Variants in NEDD4 observed in about 807,000 individuals in gnomAD.
NEDD4 encodes E3 ubiquitin-protein ligase NEDD4.
In NEDD4, 99 loss-of-function variants were observed where a neutral mutation model predicts 144.9. The observed-to-expected ratio is 0.68, with a 90% CI of 0.58 to 0.81. The LOEUF (loss-of-function observed/expected upper bound fraction) is 0.81, where lower values mean the gene tolerates loss of function less well. Among genes scored for constraint, NEDD4 ranks in the 30% least tolerant of loss-of-function variants. The probability of loss-of-function intolerance (pLI) is 0.00; values close to 1 mark genes in which losing one functional copy is unlikely to be tolerated. For synonymous variants in NEDD4, 318 were observed against 350.6 expected (o/e 0.91, Z 1.04); for missense variants, 985 against 1,065.9 (o/e 0.92, Z 1.06).
At chr15:55,955,943 G>A (rs999499812) in intron 2 of NEDD4, among the ~76,000 whole-genome samples, 7 of 151,060 alleles carry the variant, frequency 4.6e-5, no homozygotes, top group Non-Finnish European at 1.0e-4. Flanking sequence ...AGCCTCCTGA[G>A]TAGCTGGGAC....
chr15:55,938,519 G>A (rs531245385), intron 4 of NEDD4, among the ~76,000 whole-genome samples: 3 of 152,208 alleles, frequency 2.0e-5, no homozygotes, highest in African/African-American at 7.2e-5. Flanking sequence ...GAAGAAAACA[G>A]AGAAGAAGCT....
rs952063356 is a variant in NEDD4 at position 55,849,444 on chromosome 15, C to T, written c.1348-558G>A. Among the ~76,000 whole-genome samples, 5 of 152,000 alleles carry T rather than the reference C, an allele frequency of 3.3e-5. No individual in the cohort carries two copies. The South Asian group carries it at 6.2e-4, about 19-fold the overall frequency. Reference sequence around the variant, plus strand: ...TTCTCCATGTTGGCCAGGCTAGTCTCGAACTCCTGACCTCAGGTGATCCAC... The same window carrying T: ...TTCTCCATGTTGGCCAGGCTAGTCTTGAACTCCTGACCTCAGGTGATCCAC... On this transcript the variant is annotated intron_variant, in intron 14 of 28. Coordinates refer to ENST00000435532, the MANE Select transcript of NEDD4 (RefSeq NM_006154.4).
At chr15:55,881,858 T>C (rs2035206147) in intron 5 of NEDD4, among the ~76,000 whole-genome samples, 1 of 152,128 alleles carries the variant, frequency 6.6e-6, no homozygotes, top group Admixed American at 6.6e-5. Flanking sequence ...TTTTTTTTTG[T>C]TGTGGGGGCT....
intron 4 of NEDD4, among the ~76,000 whole-genome samples, chr15:55,938,374 A>C (rs1287136546): frequency 1.3e-5 from 2 of 152,122 alleles, no homozygotes; most frequent in Non-Finnish European, 2.9e-5. Flanking sequence ...CAAAACAAAA[A>C]AACAACAAAT....
At chr15:55,845,888 C>A (rs1423894019) in intron 18 of NEDD4, among the ~76,000 whole-genome samples, 1 of 150,424 alleles carries the variant, frequency 6.6e-6, no homozygotes, top group Non-Finnish European at 1.5e-5. Flanking sequence ...TGGGTTCAAG[C>A]GGTTCTCCTG....
chr15:55,966,440 T>G, intron 2 of NEDD4, 33 bp downstream of exon 2: 1 of 1,355,596 alleles, frequency 7.4e-7, no homozygotes, highest in Non-Finnish European at 1.0e-6. Context: ...AAATGCAAAG[T>G]TTTAAAATTA....
intron 1 of NEDD4, among the ~76,000 whole-genome samples, chr15:55,972,430 T>C (rs1339560500): frequency 1.3e-5 from 2 of 152,222 alleles, no homozygotes; most frequent in Non-Finnish European, 2.9e-5. Flanking sequence ...CTGTTTGTTT[T>C]TGCAATCAGA....
At chr15:55,848,135 T>C (rs535367765) in intron 17 of NEDD4, among the ~76,000 whole-genome samples, 1 of 152,356 alleles carries the variant, frequency 6.6e-6, no homozygotes, top group South Asian at 2.1e-4. Context: ...CACACTGCCT[T>C]AGCATTCTGA....
chr15:55,897,354 G>C (rs1390280674), intron 5 of NEDD4, among the ~76,000 whole-genome samples: 1 of 152,142 alleles, frequency 6.6e-6, no homozygotes, highest in African/African-American at 2.4e-5. Flanking sequence ...TAGCTATTTA[G>C]ACCTGAGGAA....
chr15:55,904,123 C>T (rs1467882411), intron 5 of NEDD4, among the ~76,000 whole-genome samples: 1 of 152,052 alleles, frequency 6.6e-6, no homozygotes, highest in Non-Finnish European at 1.5e-5. Flanking sequence ...GATTGCACAA[C>T]TGCACTCCAG....
At position 55,906,416 on chromosome 15, in the gene NEDD4, G is replaced by A. The variant is rs550351561; in HGVS notation, c.291+18230C>T. Among the ~76,000 whole-genome samples, 833 of 152,212 alleles carry A rather than the reference G, an allele frequency of 5.5e-3. 5 individuals are homozygous for A. Among genetic ancestry groups the A allele is most frequent in the Non-Finnish European group, 9.7e-3 (662 of 68,016 alleles). ...ATCAATGATAGACTGGATTAAGAAA[G>A]TGTGGCACATATACACCATGGAATA... On this transcript the variant is annotated intron_variant, in intron 5 of 28. Transcript: ENST00000435532.
Position 55,878,299 on chromosome 15 carries a change from A to G in NEDD4, c.292-4291T>C, listed in dbSNP as rs780629163. The stretch of plus-strand genomic sequence containing the variant: ...AGAGATCAATTCATAAAATATTACT[A>G]TAAGTCAATAATATGAATCAATAAT... On this transcript the variant is annotated intron_variant, in intron 5 of 28. Coordinates refer to ENST00000435532, the MANE Select transcript of NEDD4 (RefSeq NM_006154.4). Among the ~76,000 whole-genome samples, 5 of 152,320 alleles carry G rather than the reference A, an allele frequency of 3.3e-5. No homozygotes were observed. The East Asian group carries it at 7.7e-4, about 23-fold the overall frequency.
At chr15:55,965,203 GTTGT>G (rs2037492140) in intron 2 of NEDD4, among the ~76,000 whole-genome samples, 1 of 152,054 alleles carries the variant, frequency 6.6e-6, no homozygotes, top group East Asian at 1.9e-4. Flanking sequence ...CCTGTTTTTG[GTTGT>G]TTGTTTTTTG....
rs759469427 is a variant in NEDD4 at position 55,850,678 on chromosome 15, G to A, written c.1211C>T (p.Ser404Phe). 5 of 1,614,104 alleles carry A rather than the reference G, an allele frequency of 3.1e-6. No homozygotes were observed. Among genetic ancestry groups the A allele is most frequent in the Non-Finnish European group, 3.4e-6 (4 of 1,180,030 alleles). The change falls in exon 14 of 29, where the codon TCC becomes TTC. Residue 404 changes from serine to phenylalanine, a missense_variant. Physicochemically the swap from Ser to Phe is radical, Grantham distance 155. Coordinates refer to ENST00000435532, the MANE Select transcript of NEDD4 (RefSeq NM_006154.4). ...CACCTGCTGGCCTGAATCACTGGTG[G>A]AGGCTTGTGATTGAGGGCCTGCAGA... is the stretch of plus-strand genomic sequence containing the variant. ...QSSAGPQSQA[S>F]TSDSGQQVTQ... is the part of the protein sequence containing the mutation.
rs532129867 is a variant in NEDD4, at chr15:55,883,740, G to C, written c.292-9732C>G. Among the ~76,000 whole-genome samples, 30 of 152,110 alleles carry C rather than the reference G, an allele frequency of 2.0e-4. No homozygotes were observed. The South Asian group carries it at 4.2e-3, about 21-fold the overall frequency. On this transcript the variant is annotated intron_variant, in intron 5 of 28. Coordinates refer to ENST00000435532, the MANE Select transcript of NEDD4 (RefSeq NM_006154.4). Reference sequence around the variant, plus strand: ...ACACACACACACAGAAAGAGAAAGAGAGAGAGAGAGACTCTATTTGTGTGT... The same window carrying C: ...ACACACACACACAGAAAGAGAAAGACAGAGAGAGAGACTCTATTTGTGTGT...
intron 1 of NEDD4, among the ~76,000 whole-genome samples, chr15:55,967,467 T>TGTGTGG (rs1455855264): frequency 6.6e-6 from 1 of 150,880 alleles, no homozygotes; most frequent in Admixed American, 6.6e-5. Flanking sequence ...TGTGTGTGTG[T>TGTGTGG]GTGTGTGTAT....
chr15:55,960,074 T>C (rs68033152), intron 2 of NEDD4, among the ~76,000 whole-genome samples: 20,369 of 151,924 alleles, frequency 0.13, 1,459 homozygotes, highest in East Asian at 0.32. Flanking sequence ...CTGGTAACCA[T>C]CTCCCTAAGA....
intron 24 of NEDD4, among the ~76,000 whole-genome samples, chr15:55,836,817 C>T (rs761958374): frequency 6.6e-5 from 10 of 151,974 alleles, no homozygotes; most frequent in South Asian, 2.1e-4. Context: ...AATGAGCCAC[C>T]GCGCCCAAAT....
intron 5 of NEDD4, among the ~76,000 whole-genome samples, chr15:55,906,574 C>T (rs1298070039): frequency 6.7e-6 from 1 of 149,040 alleles, no homozygotes; most frequent in Non-Finnish European, 1.5e-5. Flanking sequence ...TAGGTGGGAA[C>T]TGAACAATGA....
Sources: gnomAD v4.1 joint callset for allele counts (sites outside exome capture counted in the v4.1 genomes callset) on GRCh38, gnomAD v4.1.1 for gene constraint, MANE v1.5 for transcripts, NCBI Gene and HGNC (gene_info 2026-07-23, HGNC 2026-07-21) for gene names.